The following KAZN variants were observed in gnomAD, a reference collection of about 807,000 sequenced individuals.
The protein encoded by KAZN is kazrin.
A neutral mutation model predicts 87.4 loss-of-function variants in KAZN; 40 were observed. The observed-to-expected ratio is 0.46, with a 90% CI of 0.36 to 0.60. The LOEUF (loss-of-function observed/expected upper bound fraction) is 0.60. KAZN is among the 20% of genes least tolerant of loss of function. The pLI, the probability that KAZN is intolerant of heterozygous loss-of-function variation, is 0.00. For missense variants in KAZN, 898 were observed against 1,073.9 expected (o/e 0.84, Z 2.29); for synonymous variants, 466 against 458.3 (o/e 1.02, Z -0.22).
chr1:14,166,512 G>C (rs1413678402), intron 1 of KAZN, among the ~76,000 whole-genome samples: 1 of 152,034 alleles, frequency 6.6e-6, no homozygotes, highest in East Asian at 1.9e-4. Context: ...CGTTTTACAA[G>C]GACCATTACA....
At chr1:14,932,780 C>CT (rs75037734) in intron 1 of KAZN, among the ~76,000 whole-genome samples, 36 of 148,216 alleles carry the variant, frequency 2.4e-4, no homozygotes, top group Admixed American at 9.4e-4. Context: ...GAACCCTGCA[C>CT]TTTTTTTTTT....
At chr1:14,754,038 T>G (rs983194828) in intron 1 of KAZN, among the ~76,000 whole-genome samples, 4 of 152,204 alleles carry the variant, frequency 2.6e-5, no homozygotes, top group Admixed American at 1.3e-4. Flanking sequence ...GGAGGTTCTT[T>G]CCCTAACCAG....
intron 2 of KAZN, among the ~76,000 whole-genome samples, chr1:14,448,758 C>A (rs1667115239): frequency 6.6e-6 from 1 of 152,160 alleles, no homozygotes; most frequent in African/African-American, 2.4e-5. Flanking sequence ...ACAAGGGACC[C>A]CAGGCAACCC....
In KAZN at chr1:15,114,640, C is replaced by T; in HGVS notation, c.*5C>T. On this transcript the variant is annotated 3_prime_UTR_variant, in exon 15 of 15. Coordinates refer to ENST00000376030, the MANE Select transcript of KAZN (RefSeq NM_201628.3). ...CTGGAGGTCACCAACGTGTAAGGAA[C>T]TGGTGGCTCCACCAGACCCAACGTG... is the stretch of plus-strand genomic sequence containing the variant. The T allele has an allele frequency of 6.4e-7, 1 of 1,574,414 alleles. No individual in the cohort carries two copies. Among genetic ancestry groups the T allele is most frequent in the African/African-American group, 1.4e-5 (1 of 74,036 alleles).
intron 1 of KAZN, among the ~76,000 whole-genome samples, chr1:14,791,679 G>T (rs530436704): frequency 6.6e-6 from 1 of 152,320 alleles, no homozygotes; most frequent in East Asian, 1.9e-4. Context: ...GTCCCCAGGG[G>T]AATGCAGAAA....
At chr1:14,695,034 C>T (rs1325793706) in intron 1 of KAZN, among the ~76,000 whole-genome samples, 4 of 152,210 alleles carry the variant, frequency 2.6e-5, no homozygotes, top group African/African-American at 9.7e-5. Context: ...TGACTGCTCA[C>T]TTCAAAGTCT....
In KAZN at chr1:14,020,781, G is replaced by A. The variant is rs559142689; in HGVS notation, c.91+127025G>A. Among the ~76,000 whole-genome samples the A allele has an allele frequency of 9.8e-5, 15 of 152,294 alleles. No homozygotes were observed. The South Asian group carries it at 3.1e-3, about 32-fold the overall frequency. On this transcript the variant is annotated intron_variant, in intron 1 of 16. Coordinates refer to the KAZN transcript ENST00000636203. ...TCCCTCTGTGAGCTTATATGATTTTGCAATATCTGGATAGAAAGTAAAACA... is the reference window on the plus strand; with the variant it reads ...TCCCTCTGTGAGCTTATATGATTTTACAATATCTGGATAGAAAGTAAAACA...
chr1:14,090,779 G>A (rs1399503209), intron 1 of KAZN, among the ~76,000 whole-genome samples: 2 of 152,086 alleles, frequency 1.3e-5, no homozygotes, highest in South Asian at 2.1e-4. Flanking sequence ...CTGGTCTCTG[G>A]TATTTCCTCC....
At chr1:15,048,116 G>T (rs193146910) in intron 4 of KAZN, among the ~76,000 whole-genome samples, 2 of 152,196 alleles carry the variant, frequency 1.3e-5, no homozygotes, top group Non-Finnish European at 2.9e-5. Context: ...GGGGTGAGCA[G>T]CCCCTCAGGA....
At chr1:14,796,244 G>C (rs1557498119) in intron 1 of KAZN, among the ~76,000 whole-genome samples, 1 of 152,144 alleles carries the variant, frequency 6.6e-6, no homozygotes, top group Non-Finnish European at 1.5e-5. Context: ...CCTCAATCCA[G>C]GGCTGGGCAT....
chr1:13,924,957 G>A (rs1350645933), intron 1 of KAZN, among the ~76,000 whole-genome samples: 4 of 152,120 alleles, frequency 2.6e-5, no homozygotes, highest in East Asian at 1.9e-4. Context: ...CCCATTTGAC[G>A]TGTACAATTC....
chr1:13,981,089 T>TCTATATATATATATATATATATATA (rs1553181094), intron 1 of KAZN, among the ~76,000 whole-genome samples: 1 of 63,134 alleles, frequency 1.6e-5, no homozygotes, highest in East Asian at 2.8e-4. Context: ...AAATTACTCT[T>TCTATATATATATATATATATATATA]TATATATATA....
chr1:14,631,611 G>A (rs1336022341), intron 1 of KAZN, among the ~76,000 whole-genome samples: 7 of 152,214 alleles, frequency 4.6e-5, no homozygotes, highest in South Asian at 2.1e-4. Context: ...TGGTGGCCCC[G>A]CCACGGTACA....
intron 2 of KAZN, among the ~76,000 whole-genome samples, chr1:14,491,797 G>A (rs1017056647): frequency 2.6e-5 from 4 of 151,874 alleles, no homozygotes; most frequent in African/African-American, 9.7e-5. Context: ...ATTTAATAAT[G>A]CTTTTCCCCC....
chr1:14,562,918 G>A (rs1226140771), intron 2 of KAZN, among the ~76,000 whole-genome samples: 4 of 152,344 alleles, frequency 2.6e-5, no homozygotes, highest in South Asian at 4.1e-4. Flanking sequence ...TCTGGAGTGC[G>A]TTTAGTTAAG....
chr1:14,077,803 G>A (rs989795432), intron 1 of KAZN, among the ~76,000 whole-genome samples: 1 of 151,968 alleles, frequency 6.6e-6, no homozygotes, highest in African/African-American at 2.4e-5. Flanking sequence ...GTTCTTACAC[G>A]GAGAGAAGAC....
chr1:14,383,527 T>C (rs1661567059), intron 2 of KAZN, among the ~76,000 whole-genome samples: 1 of 151,748 alleles, frequency 6.6e-6, no homozygotes, highest in African/African-American at 2.4e-5. Context: ...TTCAGCTTTC[T>C]ACATATGGCT....
intron 1 of KAZN, among the ~76,000 whole-genome samples, chr1:14,745,713 G>T (rs554176588): frequency 7.2e-5 from 11 of 152,256 alleles, no homozygotes; most frequent in African/African-American, 2.6e-4. Flanking sequence ...ATCATCACTA[G>T]AATTATTACC....
At chr1:15,069,737 A>G (rs1639424238) in intron 8 of KAZN, among the ~76,000 whole-genome samples, 1 of 152,228 alleles carries the variant, frequency 6.6e-6, no homozygotes, top group South Asian at 2.1e-4. Context: ...CAGGGCATCC[A>G]GGGCCAGCTG....
Sources: allele counts gnomAD v4.1 joint callset (sites outside exome capture counted in the v4.1 genomes callset), GRCh38; gene constraint gnomAD v4.1.1; transcripts MANE v1.5; gene names NCBI Gene and HGNC (gene_info 2026-07-23, HGNC 2026-07-21).